SPAG9: variants seen among roughly 807,000 people sequenced by gnomAD.
The protein encoded by SPAG9 is C-Jun-amino-terminal kinase-interacting protein 4.
In SPAG9, 35 loss-of-function variants were observed where a neutral mutation model predicts 166.5. The ratio of observed to expected loss-of-function variants is 0.21; its 90% CI spans 0.16 to 0.28. SPAG9 has a LOEUF of 0.28. Ranked by LOEUF, SPAG9 falls within the 10% of genes least tolerant of loss-of-function variation. SPAG9 has a pLI of 1.00. For synonymous variants in SPAG9, 534 were observed against 565.5 expected (o/e 0.94, Z 0.79); for missense variants, 1,235 against 1,603.3 (o/e 0.77, Z 3.92).
intron 2 of SPAG9, among the ~76,000 whole-genome samples, chr17:51,075,033 C>T (rs1318894583): frequency 6.6e-6 from 1 of 151,070 alleles, no homozygotes; most frequent in Non-Finnish European, 1.5e-5. Context: ...CCCATCTCTA[C>T]AAATATACAA....
rs1180833226 is a variant in SPAG9, at chr17:51,023,196, T to A, written c.784-1831A>T. On this transcript the variant is annotated intron_variant, in intron 6 of 29. Coordinates refer to ENST00000262013, the MANE Select transcript of SPAG9 (RefSeq NM_001130528.3). ...TTAACTATTATTATAATAGTAACTA[T>A]TTGTATAATTCTAAATACATAATTA... is the stretch of plus-strand genomic sequence containing the variant. 2.0e-5 allele frequency among the ~76,000 whole-genome samples: 3 copies of A among 148,046 alleles called. No homozygotes were observed. In the East Asian group the frequency reaches 5.8e-4, roughly 29 times the overall value.
intron 1 of SPAG9, among the ~76,000 whole-genome samples, chr17:51,107,555 G>A (rs2048987858): frequency 6.6e-6 from 1 of 151,798 alleles, no homozygotes; most frequent in East Asian, 1.9e-4. Flanking sequence ...TGGCCAATAT[G>A]GTAAAACCCC....
Position 51,007,110 on chromosome 17 carries a change from GGT to G in SPAG9, c.1271+157_1271+158del, listed in dbSNP as rs3075108. Among the ~76,000 whole-genome samples, 548 of 145,412 alleles carry G rather than the reference GGT, an allele frequency of 3.8e-3. 3 individuals are homozygous for G. Among genetic ancestry groups the G allele is most frequent in the East Asian group, 0.014 (69 of 4,998 alleles). Reference sequence around the variant, plus strand: ...AGGGCAGTGTAGGTCCCAACATTAGGGTGTGTGTGTGTGTGTGTGTGTGTGTG... The same window carrying G: ...AGGGCAGTGTAGGTCCCAACATTAGGGTGTGTGTGTGTGTGTGTGTGTGTG... On this transcript the variant is annotated intron_variant, in intron 10 of 29. Transcript: ENST00000262013.
rs770195531 is a variant in SPAG9 at position 50,996,677 on chromosome 17, G to A, written c.1856C>T (p.Ala619Val). The change falls in exon 16 of 30, where the codon GCC (alanine) becomes GTC (valine). Residue 619 changes from alanine (A) to valine (V), a missense_variant. By Grantham distance (64) the Ala-to-Val change is moderately conservative. This residue lies in a region of SPAG9 where 493 missense variants were observed against 559.4 expected (regional missense o/e 0.88). Coordinates refer to ENST00000262013, the MANE Select transcript of SPAG9 (RefSeq NM_001130528.3). ...FLSEETEASL[A>V]SRREQKREQY... ...CTCTCTCTTTTGTTCTCTGCGTGAG[G>A]CTAAACTAGCTTCAGTTCTAAAAGG... 6.2e-7 allele frequency: 1 copy of A among 1,614,030 alleles called. No individual in the cohort carries two copies. Among genetic ancestry groups the A allele is most frequent in the Non-Finnish European group, 8.5e-7 (1 of 1,179,982 alleles).
intron 6 of SPAG9, among the ~76,000 whole-genome samples, 195 bp from the exon 7 acceptor site, chr17:51,021,560 CTG>C (rs1598013977): frequency 1.3e-5 from 2 of 151,944 alleles, no homozygotes; most frequent in South Asian, 2.1e-4. Flanking sequence ...TTTAAGTAAA[CTG>C]TATTTTTTCA....
At chr17:51,038,086 T>G (rs2046690002) in intron 5 of SPAG9, among the ~76,000 whole-genome samples, 1 of 152,146 alleles carries the variant, frequency 6.6e-6, no homozygotes, top group Non-Finnish European at 1.5e-5. Flanking sequence ...ACATGTAAAC[T>G]GTGGTATTTG....
chr17:50,995,493 G>A lies in SPAG9; in HGVS notation c.2009C>T (p.Pro670Leu). The change falls in exon 17 of 30, where the codon CCT (proline) becomes CTT (leucine). Residue 670 changes from proline (P) to leucine (L), a missense_variant. Pro to Leu is a moderately conservative substitution (Grantham distance 98). Around this residue, in one of 6 missense-constraint regions of SPAG9, gnomAD observed 493 missense variants for 559.4 expected, o/e 0.88. Transcript: ENST00000262013. ...CAGAGGTCTGAGATAGACAGGCACA[G>A]GTAAATTTTTCATCTTATTTTCACC... ...GQGENKMKNL[P>L]VPVYLRPLDE... is the part of the protein sequence containing the mutation. The A allele has an allele frequency of 6.2e-7, 1 of 1,612,102 alleles. No individual in the cohort carries two copies. Among genetic ancestry groups the A allele is most frequent in the South Asian group, 1.1e-5 (1 of 90,996 alleles).
rs180705065 is a variant in SPAG9 at position 51,038,866 on chromosome 17, T to C, written c.741+2635A>G. On this transcript the variant is annotated intron_variant, in intron 5 of 29. Coordinates refer to ENST00000262013, the MANE Select transcript of SPAG9 (RefSeq NM_001130528.3). ...TACTTGTTTGTCGATCTCCATGAGA[T>C]TGTGATAAATCAAGAATATGTACAA... 2.0e-5 allele frequency among the ~76,000 whole-genome samples: 3 copies of C among 152,354 alleles called. No homozygotes were observed. The East Asian group carries it at 5.8e-4, about 29-fold the overall frequency.
At chr17:51,005,834 GGAGTGAGACT>G (rs1170161413) in intron 11 of SPAG9, among the ~76,000 whole-genome samples, 6 of 152,202 alleles carry the variant, frequency 3.9e-5, no homozygotes, top group Non-Finnish European at 8.8e-5. Flanking sequence ...CTGGGCAACA[GGAGTGAGACT>G]CCGTCTCAAA....
Position 50,990,485 on chromosome 17 carries a change from G to A in SPAG9, c.2582C>T (p.Thr861Ile), listed in dbSNP as rs148911088. 1.5e-3 allele frequency: 2,413 copies of A among 1,614,202 alleles called. 1 individual carries two copies. Among genetic ancestry groups the A allele is most frequent in the Non-Finnish European group, 1.9e-3 (2,211 of 1,180,006 alleles). The change falls in exon 20 of 30, where the codon ACA becomes ATA. Residue 861 changes from threonine to isoleucine, a missense_variant. By Grantham distance (89) the Thr-to-Ile change is moderately conservative (BLOSUM62 -1). Transcript: ENST00000262013. ...ATCCATCACTGGAGAAGCACCATTTGTACTAGGGGAAGTGGCAGCTCCCGT... is the reference window on the plus strand; with the variant it reads ...ATCCATCACTGGAGAAGCACCATTTATACTAGGGGAAGTGGCAGCTCCCGT... Reference protein sequence around the residue: ...GVTGAATSPSTNGASPVMDKP... With the variant: ...GVTGAATSPSINGASPVMDKP...
chr17:51,018,404 C>G (rs1453711110), intron 8 of SPAG9, among the ~76,000 whole-genome samples: 1 of 152,050 alleles, frequency 6.6e-6, no homozygotes, highest in South Asian at 2.1e-4. Flanking sequence ...CTTCCTACCA[C>G]TAAACAGCCT....
At chr17:50,968,021 CCAACTGA>C (rs1328832246) in intron 29 of SPAG9, among the ~76,000 whole-genome samples, 1 of 152,172 alleles carries the variant, frequency 6.6e-6, no homozygotes, top group Non-Finnish European at 1.5e-5. Flanking sequence ...CAGTACGGTT[CCAACTGA>C]CATACTGCAC....
intron 1 of SPAG9, among the ~76,000 whole-genome samples, chr17:51,086,974 C>A (rs1301489437): frequency 6.6e-6 from 1 of 152,066 alleles, no homozygotes; most frequent in Non-Finnish European, 1.5e-5. Flanking sequence ...CACTAATATG[C>A]AACAAAAATA....
chr17:51,051,677 G>A (rs528455527), intron 3 of SPAG9, among the ~76,000 whole-genome samples: 1 of 152,142 alleles, frequency 6.6e-6, no homozygotes, highest in South Asian at 2.1e-4. Context: ...CCGAGATCAC[G>A]CCACTGCACT....
intron 3 of SPAG9, 99 bp downstream of exon 3, chr17:51,056,313 T>A (rs2047362274): frequency 6.8e-6 from 5 of 732,032 alleles, no homozygotes; most frequent in African/African-American, 1.8e-5. Context: ...TATTCTTTTT[T>A]AAAAAATTCT....
chr17:51,021,751 T>TA (rs1282624480), intron 6 of SPAG9, among the ~76,000 whole-genome samples: 3 of 152,164 alleles, frequency 2.0e-5, no homozygotes, highest in African/African-American at 7.2e-5. Context: ...AAAACAGAAG[T>TA]AGAATAACCA....
intron 1 of SPAG9, among the ~76,000 whole-genome samples, chr17:51,086,970 T>C (rs925189676): frequency 3.9e-5 from 6 of 152,062 alleles, no homozygotes; most frequent in African/African-American, 7.2e-5. Context: ...TAATCACTAA[T>C]ATGCAACAAA....
chr17:50,989,979 C>T (rs1975395116), intron 20 of SPAG9, 107 bp from the exon 21 acceptor site: 1 of 900,664 alleles, frequency 1.1e-6, no homozygotes. Context: ...CACTCCTTCA[C>T]ACTGTACCAT....
At chr17:51,020,309 C>A in intron 7 of SPAG9, 51 bp from the exon 8 acceptor site, 1 of 1,221,108 alleles carries the variant, frequency 8.2e-7, no homozygotes, top group South Asian at 1.3e-5. Flanking sequence ...CACAGTACCC[C>A]AATATAAAAA....
Sources: gnomAD v4.1 joint callset for allele counts (sites outside exome capture counted in the v4.1 genomes callset) on GRCh38, gnomAD v4.1.1 for gene constraint, gnomAD v4.1.1 regional missense constraint, MANE v1.5 for transcripts, NCBI Gene and HGNC (gene_info 2026-07-23, HGNC 2026-07-21) for gene names.